The following PLXNB3 variants were observed in gnomAD, a reference collection of about 807,000 sequenced individuals.
PLXNB3 encodes plexin-B3.
PLXNB3 carries 80 observed loss-of-function variants against 125.7 expected under a neutral mutation model. That is an observed-to-expected ratio of 0.64 (90% CI 0.53 to 0.77). PLXNB3 has a LOEUF of 0.77. Among genes scored for constraint, PLXNB3 ranks in the 30% least tolerant of loss-of-function variants. The pLI, the probability that PLXNB3 is intolerant of heterozygous loss-of-function variation, is 0.00. For missense variants in PLXNB3, 1,836 were observed against 1,729.3 expected, an observed-to-expected ratio of 1.06 and a Z score of -1.09; for synonymous variants, 954 against 783.3, an observed-to-expected ratio of 1.22 and a Z score of -3.64.
Position 153,769,018 on chromosome X carries a change from G to T in PLXNB3, c.1337G>T (p.Ser446Ile). Reference sequence around the variant, plus strand: ...GTGGGGCCTCCAGGCTCAGCCATCAGCCCAGACCTGCTGCTGGACAGCAGT... The same window carrying T: ...GTGGGGCCTCCAGGCTCAGCCATCATCCCAGACCTGCTGCTGGACAGCAGT... Reference protein sequence around the residue: ...QQVGPPGSAISPDLLLDSSGS... With the variant: ...QQVGPPGSAIIPDLLLDSSGS... Residue 446 changes from serine (S) to isoleucine (I), a missense_variant, in exon 5 of 36, where the codon AGC becomes ATC. By Grantham distance (142) the Ser-to-Ile change is moderately radical (BLOSUM62 -2). Coordinates refer to ENST00000361971, the MANE Select transcript of PLXNB3 (RefSeq NM_005393.3). 3 of 1,211,151 alleles carry T rather than the reference G, an allele frequency of 2.5e-6. No homozygotes were observed. The highest frequency in any genetic ancestry group is 3.4e-6 in the Non-Finnish European group (3 of 894,843).
chrX:153,765,998 G>T, intron 2 of PLXNB3: 3 of 752,333 alleles, frequency 4.0e-6, no homozygotes, highest in Non-Finnish European at 3.1e-6. Context: ...CCCTCCCCCA[G>T]CCAGCTCTCC....
chrX:153,770,095 A>G lies in PLXNB3; in HGVS notation c.1633A>G (p.Thr545Ala), dbSNP rs782438501. 5.0e-6 allele frequency: 6 copies of G among 1,210,239 alleles called. No homozygotes were observed. The highest frequency in any genetic ancestry group is 2.2e-5 in the Admixed American group (1 of 46,004). The stretch of plus-strand genomic sequence containing the variant: ...GTTTCTCCCCGCTGCATCCCAGGTC[A>G]CTTTGTCTGTCCCCCGGCTGCCCAT... ...HHPRQEQGQV[T>A]LSVPRLPILD... The change falls in exon 8 of 36, where the codon ACT (threonine) becomes GCT (alanine). Residue 545 changes from threonine to alanine, a missense_variant. By Grantham distance (58) the Thr-to-Ala change is moderately conservative. Transcript: ENST00000361971.
intron 16 of PLXNB3, 149 bp from the exon 17 acceptor site, chrX:153,772,737 C>T (rs782375727): frequency 5.0e-5 from 52 of 1,033,186 alleles, no homozygotes; most frequent in Non-Finnish European, 6.0e-5. Flanking sequence ...GCAGTGGCCT[C>T]GGGAAGGAGG....
rs1557059445 is a variant in PLXNB3 at position 153,766,977 on chromosome X, T to C, written c.150T>C (p.Pro50=). ...PLTGAHRFSA[P]NTTLNHLALA... ...CAGGGGCCCATCGCTTCTCCGCACCTAATACCACTCTCAACCACTTGGCAC... is the reference window on the plus strand; with the variant it reads ...CAGGGGCCCATCGCTTCTCCGCACCCAATACCACTCTCAACCACTTGGCAC... Residue 50 remains proline, a synonymous_variant, in exon 3 of 36, where the codon CCT becomes CCC. Transcript: ENST00000361971. 7.4e-6 allele frequency: 9 copies of C among 1,210,971 alleles called. No individual in the cohort carries two copies. Among genetic ancestry groups the C allele is most frequent in the South Asian group, 1.8e-5 (1 of 57,034 alleles).
At chrX:153,778,533 G>C in intron 34 of PLXNB3, 62 bp downstream of exon 34, 7 of 1,180,496 alleles carry the variant, frequency 5.9e-6, no homozygotes, top group Non-Finnish European at 8.0e-6. Flanking sequence ...GCAGAGCAGA[G>C]GGGGGAGACT....
Position 153,774,543 on chromosome X carries a change from G to A in PLXNB3, c.3802G>A (p.Ala1268Thr), listed in dbSNP as rs150314931. 93 of 1,206,241 alleles carry A rather than the reference G, an allele frequency of 7.7e-5. No homozygotes were observed. The highest frequency in any genetic ancestry group is 4.3e-4 in the South Asian group (24 of 56,138). Residue 1268 changes from alanine (A) to threonine (T), a missense_variant, in exon 22 of 36, where the codon GCC becomes ACC. Coordinates refer to ENST00000361971, the MANE Select transcript of PLXNB3 (RefSeq NM_005393.3). ...VGMGAAVLIA[A>T]VLLLTLMYRH... ...CATGGGTGCTGCAGTGCTGATTGCC[G>A]CCGTGCTCCTCCTCACCCTCATGTA...
In PLXNB3 at chrX:153,774,263, G is replaced by A. The variant is rs138503754; in HGVS notation, c.3597G>A (p.Thr1199=). The A allele has an allele frequency of 6.5e-4, 763 of 1,182,299 alleles. 4 individuals carry two copies. In the East Asian group the frequency reaches 0.019, roughly 30 times the overall value. The change falls in exon 21 of 36, where the codon ACG becomes ACA. Residue 1199 remains threonine, a synonymous_variant. Coordinates refer to ENST00000361971, the MANE Select transcript of PLXNB3 (RefSeq NM_005393.3). The part of the protein sequence containing the change: ...HIGRGECLVK[T]LTRTHLYCEP... ...GCCGCGGCGAGTGCCTGGTGAAGAC[G>A]CTCACGCGCACCCACCTGTACTGCG...
chrX:153,773,247 C>T lies in PLXNB3; in HGVS notation c.2924C>T (p.Pro975Leu). 3 of 1,207,920 alleles carry T rather than the reference C, an allele frequency of 2.5e-6. No homozygotes were observed. The highest frequency in any genetic ancestry group is 1.8e-5 in the South Asian group (1 of 56,419). ...TCCTGCAGCCTGGAGCCAGTGTGTC[C>T]GGAGGCCATCGTGTGCCGTACCAGG... ...QPCPILEPVCPEAIVCRTRPQ... is the reference protein window; with the variant it reads ...QPCPILEPVCLEAIVCRTRPQ... The change falls in exon 18 of 36, where the codon CCG becomes CTG. Residue 975 changes from proline (P) to leucine (L), a missense_variant. Pro to Leu is a moderately conservative substitution (Grantham distance 98, BLOSUM62 -3). Transcript: ENST00000361971.
chrX:153,766,463 G>C, intron 2 of PLXNB3: 1 of 1,069,572 alleles, frequency 9.3e-7, no homozygotes, highest in South Asian at 2.6e-5. Context: ...CAGCTCCCGC[G>C]GCCTCCCTCC....
Position 153,770,881 on chromosome X carries a change from C to T in PLXNB3, c.2134C>T (p.Arg712Ter), listed in dbSNP as rs1453928876. Residue 712 changes from arginine to a stop codon, truncating the protein, a stop_gained and splice_region_variant, in exon 11 of 36, where the codon CGA (arginine) becomes TGA (stop). Coordinates refer to ENST00000361971, the MANE Select transcript of PLXNB3 (RefSeq NM_005393.3). LOFTEE classifies it high-confidence loss of function. ...ALRVRNLQHF[R>*]GLPASFHCWL... ...ACGCGTGCGGAACCTTCAACATTTC[C>T]GAGTGAGCCATCAGGAGGGAAGGGG... is the stretch of plus-strand genomic sequence containing the variant. 35 of 1,205,246 alleles carry T rather than the reference C, an allele frequency of 2.9e-5. No homozygotes were observed. Among genetic ancestry groups the T allele is most frequent in the Non-Finnish European group, 3.9e-5 (35 of 891,156 alleles).
At chrX:153,774,600 C>A in intron 22 of PLXNB3, 29 bp downstream of exon 22, 1 of 1,173,990 alleles carries the variant, frequency 8.5e-7, no homozygotes, top group Non-Finnish European at 1.1e-6. Flanking sequence ...CAGCACACTT[C>A]CCTCCTCGCC....
intron 2 of PLXNB3, 166 bp from the exon 3 acceptor site, chrX:153,766,705 GCC>G: frequency 1.4e-6 from 1 of 727,325 alleles, no homozygotes; most frequent in Non-Finnish European, 1.6e-6. Context: ...CTCTCTCTGT[GCC>G]CCCTCTGTCT....
At chrX:153,773,091 G>T in intron 17 of PLXNB3, 75 bp downstream of exon 17, 1 of 1,075,003 alleles carries the variant, frequency 9.3e-7, no homozygotes, top group Non-Finnish European at 1.2e-6. Flanking sequence ...ATTTAGAGAA[G>T]TGGTTGCTGT....
intron 29 of PLXNB3, 103 bp downstream of exon 29, chrX:153,777,083 T>A: frequency 1.0e-6 from 1 of 988,081 alleles, no homozygotes; most frequent in Non-Finnish European, 1.4e-6. Context: ...CCCACCGAGA[T>A]CTTCTGCCCA....
chrX:153,777,101 C>T (rs1246807565), intron 29 of PLXNB3, 107 bp from the exon 30 acceptor site: 18 of 1,027,979 alleles, frequency 1.8e-5, no homozygotes, highest in East Asian at 3.4e-5. Flanking sequence ...CCATCTCCTT[C>T]CTTTCTTCCA....
chrX:153,771,554 G>C lies in PLXNB3; in HGVS notation c.2416G>C (p.Gly806Arg), dbSNP rs1557061879. Reference sequence around the variant, plus strand: ...CTGCCAAGCGGCCAACAGGAGCCTGGGCTGCCTGTGGTGTGCTGACGGCCA... The same window carrying C: ...CTGCCAAGCGGCCAACAGGAGCCTGCGCTGCCTGTGGTGTGCTGACGGCCA... ...SHCQAANRSL[G>R]CLWCADGQPA... is the part of the protein sequence containing the mutation. The change falls in exon 14 of 36, where the codon GGC becomes CGC. Residue 806 changes from glycine to arginine, a missense_variant. By Grantham distance (125) the Gly-to-Arg change is moderately radical. Transcript: ENST00000361971. The C allele has an allele frequency of 5.0e-6, 6 of 1,208,768 alleles. No individual in the cohort carries two copies. In the South Asian group the frequency reaches 1.1e-4, roughly 21 times the overall value.
Position 153,777,582 on chromosome X carries a change from C to T in PLXNB3, c.5155C>T (p.Arg1719Trp), listed in dbSNP as rs782674766. 16 of 1,210,504 alleles carry T rather than the reference C, an allele frequency of 1.3e-5. No individual in the cohort carries two copies. Among genetic ancestry groups the T allele is most frequent in the African/African-American group, 1.7e-5 (1 of 57,543 alleles). ...DTFQAILSVN[R>W]PIPIAVKYLF... The stretch of plus-strand genomic sequence containing the variant: ...CTTCCAGGCCATTCTCAGCGTGAAC[C>T]GGCCCATCCCCATCGCCGTCAAGTA... Residue 1719 changes from arginine to tryptophan, a missense_variant, in exon 31 of 36, where the codon CGG becomes TGG. Transcript: ENST00000361971.
Position 153,773,359 on chromosome X carries a change from C to A in PLXNB3, c.3036C>A (p.Thr1012=). The change falls in exon 18 of 36, where the codon ACC becomes ACA. Residue 1012 remains threonine, a synonymous_variant. Coordinates refer to ENST00000361971, the MANE Select transcript of PLXNB3 (RefSeq NM_005393.3). ...TGCTCGCCAGCCCCTTCCGCTACAC[C>A]GCCAACCCCCAGCTTGTAGCGGCGG... ...RTLLASPFRY[T]ANPQLVAAEP... 3 of 1,208,089 alleles carry A rather than the reference C, an allele frequency of 2.5e-6. No individual in the cohort carries two copies. The highest frequency in any genetic ancestry group is 3.4e-6 in the Non-Finnish European group (3 of 893,914).
In PLXNB3 at chrX:153,776,013, G is replaced by A. The variant is rs1018547890; in HGVS notation, c.4528G>A (p.Asp1510Asn). The A allele has an allele frequency of 1.7e-6, 2 of 1,207,397 alleles. No homozygotes were observed. The highest frequency in any genetic ancestry group is 2.2e-6 in the Non-Finnish European group (2 of 893,548). The change falls in exon 27 of 36, where the codon GAC (aspartate) becomes AAC (asparagine). Residue 1510 changes from aspartate (D) to asparagine (N), a missense_variant. Coordinates refer to ENST00000361971, the MANE Select transcript of PLXNB3 (RefSeq NM_005393.3). ...TLNDSRLLRE[D>N]VEFQPLTLMV... ...GAATGATAGCCGCTTGCTGCGGGAGGACGTGGAGTTCCAGCCCCTGACGCT... is the reference window on the plus strand; with the variant it reads ...GAATGATAGCCGCTTGCTGCGGGAGAACGTGGAGTTCCAGCCCCTGACGCT...
Sources: allele counts gnomAD v4.1 joint callset, GRCh38; gene constraint gnomAD v4.1.1; transcripts MANE v1.5; gene names NCBI Gene and HGNC (gene_info 2026-07-23, HGNC 2026-07-21).